The following PSG9 variants were observed in gnomAD, a reference collection of about 807,000 sequenced individuals.
PSG9 encodes pregnancy-specific beta-1-glycoprotein 9.
Under a neutral mutation model 41.9 loss-of-function variants are expected in PSG9, and 49 were observed. The ratio of observed to expected loss-of-function variants is 1.17; its 90% CI spans 0.93 to 1.48. PSG9 has a LOEUF of 1.48. Among genes scored for constraint, PSG9 ranks in the 40% most tolerant of loss-of-function variants. The pLI, the probability that PSG9 is intolerant of heterozygous loss-of-function variation, is 0.00. For synonymous variants in PSG9, 263 were observed against 196.8 expected, an observed-to-expected ratio of 1.34 and a Z score of -2.82; for missense variants, 641 against 520.3, an observed-to-expected ratio of 1.23 and a Z score of -2.26.
chr19:43,258,263 G>C lies in PSG9; in HGVS notation c.1182C>G (p.Cys394Trp), dbSNP rs565048518. The change falls in exon 5 of 6, where the codon TGC (cysteine) becomes TGG (tryptophan). Residue 394 changes from cysteine (C) to tryptophan (W), a missense_variant. Coordinates refer to ENST00000270077, the MANE Select transcript of PSG9 (RefSeq NM_002784.5). ...ITRNHSGLYA[C>W]SVHNSATGKE... The stretch of plus-strand genomic sequence containing the variant: ...TGCCAGTGGCTGAGTTATGAACAGA[G>C]CAAGCATAGAGCCCGCTATGATTTC... 71 of 1,592,982 alleles carry C rather than the reference G, an allele frequency of 4.5e-5. 8 individuals carry two copies. The South Asian group carries it at 7.7e-4, about 17-fold the overall frequency.
At chr19:43,264,661 G>T (rs1968884403) in intron 2 of PSG9, among the ~76,000 whole-genome samples, 1 of 152,102 alleles carries the variant, frequency 6.6e-6, no homozygotes, top group Non-Finnish European at 1.5e-5. Context: ...GTTTCACCCT[G>T]TTAGCCAGGA....
chr19:43,269,129 CG>C (rs1969126834), intron 1 of PSG9, among the ~76,000 whole-genome samples: 1 of 151,996 alleles, frequency 6.6e-6, no homozygotes, highest in African/African-American at 2.4e-5. Context: ...CTCAGCCTCC[CG>C]AGTAGCTAGG....
Position 43,258,358 on chromosome 19 carries a change from C to G in PSG9, c.1087G>C (p.Glu363Gln), listed in dbSNP as rs1317451866. ...TTCCCATTAATTGTCCAAAAATACTCTGCCGGTGGGTTAGATTCCGTGAAG... is the reference window on the plus strand; with the variant it reads ...TTCCCATTAATTGTCCAAAAATACTGTGCCGGTGGGTTAGATTCCGTGAAG... ...SCFTESNPPA[E>Q]YFWTINGKFQ... The change falls in exon 5 of 6, where the codon GAG becomes CAG. Residue 363 changes from glutamate to glutamine, a missense_variant. Coordinates refer to ENST00000270077, the MANE Select transcript of PSG9 (RefSeq NM_002784.5). 3 of 1,592,852 alleles carry G rather than the reference C, an allele frequency of 1.9e-6. No individual in the cohort carries two copies. Among genetic ancestry groups the G allele is most frequent in the Admixed American group, 1.7e-5 (1 of 58,674 alleles).
chr19:43,267,942 T>C lies in PSG9; in HGVS notation c.272A>G (p.Tyr91Cys). 1.2e-6 allele frequency: 2 copies of C among 1,613,670 alleles called. No individual in the cohort carries two copies. The highest frequency in any genetic ancestry group is 1.7e-4 in the Middle Eastern group (1 of 6,056). The stretch of plus-strand genomic sequence containing the variant: ...TTCTCTTCCACTGTATGCAGGCCCA[T>C]ATATAATTATTTTACCATCAACTAT... The part of the protein sequence containing the change: ...SYIVDGKIII[Y>C]GPAYSGRETV... The change falls in exon 2 of 6, where the codon TAT becomes TGT. Residue 91 changes from tyrosine (Y) to cysteine (C), a missense_variant. By Grantham distance (194) the Tyr-to-Cys change is radical. Coordinates refer to ENST00000270077, the MANE Select transcript of PSG9 (RefSeq NM_002784.5).
intron 2 of PSG9, among the ~76,000 whole-genome samples, chr19:43,267,323 G>A (rs555105061): frequency 2.0e-5 from 3 of 152,116 alleles, no homozygotes; most frequent in Non-Finnish European, 4.4e-5. Flanking sequence ...GCCTGCCCAA[G>A]AAGCCACAAC....
rs559423994 is a variant in PSG9, at chr19:43,266,479, G to A, written c.430+1305C>T. Among the ~76,000 whole-genome samples, 16 of 152,144 alleles carry A rather than the reference G, an allele frequency of 1.1e-4. No individual in the cohort carries two copies. In the South Asian group the frequency reaches 1.2e-3, roughly 12 times the overall value. Reference sequence around the variant, plus strand: ...TGTGCTGGTGTAGGGTGTGAGTGGGGAAAGAAAACAAGGTCCTCTCCTTGA... The same window carrying A: ...TGTGCTGGTGTAGGGTGTGAGTGGGAAAAGAAAACAAGGTCCTCTCCTTGA... On this transcript the variant is annotated intron_variant, in intron 2 of 5. Coordinates refer to ENST00000270077, the MANE Select transcript of PSG9 (RefSeq NM_002784.5).
chr19:43,264,209 TA>T (rs1268503378), intron 2 of PSG9, among the ~76,000 whole-genome samples: 3 of 152,102 alleles, frequency 2.0e-5, no homozygotes, highest in Non-Finnish European at 2.9e-5. Context: ...AAACCACCAG[TA>T]TTCCCATTAT....
Position 43,269,354 on chromosome 19 carries a change from A to G in PSG9, c.64+14T>C, listed in dbSNP as rs1428355274. 2.9e-5 allele frequency: 47 copies of G among 1,613,208 alleles called. No individual in the cohort carries two copies. Among genetic ancestry groups the G allele is most frequent in the Non-Finnish European group, 3.5e-5 (41 of 1,179,558 alleles). ...TTCCTCCCCCTGTCCTCTCCCAGGA[A>G]GTTCTCTCCTCACCTGTGAGCAGGA... On this transcript the variant is annotated intron_variant, in intron 1 of 5. Transcript: ENST00000270077.
At chr19:43,260,948 A>G (rs1159782189) in intron 3 of PSG9, among the ~76,000 whole-genome samples, 2 of 152,138 alleles carry the variant, frequency 1.3e-5, no homozygotes, top group African/African-American at 4.8e-5. Flanking sequence ...AAAATATTTT[A>G]TTCCTTTTGA....
chr19:43,263,883 T>C (rs974114118), intron 2 of PSG9, among the ~76,000 whole-genome samples: 5 of 152,274 alleles, frequency 3.3e-5, no homozygotes, highest in African/African-American at 4.8e-5. Flanking sequence ...AAAGAAGTGA[T>C]GTGTGTTATG....
At chr19:43,258,087 TTGCTTG>T in intron 5 of PSG9, 109 bp downstream of exon 5, 1 of 1,589,222 alleles carries the variant, frequency 6.3e-7, no homozygotes, top group Non-Finnish European at 8.5e-7. Flanking sequence ...AATTTGGGAT[TTGCTTG>T]TGCCCATGGG....
chr19:43,268,316 T>C (rs1969082076), intron 1 of PSG9, among the ~76,000 whole-genome samples, 167 bp from the exon 2 acceptor site: 1 of 152,062 alleles, frequency 6.6e-6, no homozygotes, highest in South Asian at 2.1e-4. Flanking sequence ...TTTGTGTATG[T>C]GTATGTGTGT....
Position 43,256,833 on chromosome 19 carries a change from C to A in PSG9, c.1243+1369G>T, listed in dbSNP as rs558172900. 2.8e-4 allele frequency among the ~76,000 whole-genome samples: 41 copies of A among 146,806 alleles called. 6 individuals are homozygous for A. Among genetic ancestry groups the A allele is most frequent in the Non-Finnish European group, 4.2e-4 (28 of 67,400 alleles). On this transcript the variant is annotated intron_variant, in intron 5 of 5. Coordinates refer to ENST00000270077, the MANE Select transcript of PSG9 (RefSeq NM_002784.5). ...ATTAAACAATAAATTACCATTTGAT[C>A]CAGCAATTCCACTTCTGGACATACT...
At chr19:43,264,595 C>A (rs1968879716) in intron 2 of PSG9, among the ~76,000 whole-genome samples, 1 of 152,002 alleles carries the variant, frequency 6.6e-6, no homozygotes, top group African/African-American at 2.4e-5. Context: ...GTAGGTGGGA[C>A]TACAGGCGCC....
chr19:43,267,899 T>A lies in PSG9; in HGVS notation c.315A>T (p.Ala105=), dbSNP rs1047545519. ...YSGRETVYSN[A]SLLIQNVTRK... ...GGGTGACATTCTGGATCAGCAGGGA[T>A]GCGTTGGAATATACTGTTTCTCTTC... The change falls in exon 2 of 6, where the codon GCA becomes GCT. Residue 105 remains alanine, a synonymous_variant. Transcript: ENST00000270077. The A allele has an allele frequency of 1.2e-5, 19 of 1,613,826 alleles. No homozygotes were observed. Among genetic ancestry groups the A allele is most frequent in the Non-Finnish European group, 1.5e-5 (18 of 1,179,772 alleles).
At chr19:43,264,272 G>A (rs1460302655) in intron 2 of PSG9, among the ~76,000 whole-genome samples, 1 of 152,050 alleles carries the variant, frequency 6.6e-6, no homozygotes, top group Non-Finnish European at 1.5e-5. Context: ...TTTAAAAATT[G>A]CTATTGTCAA....
At chr19:43,262,278 G>A in intron 2 of PSG9, 140 bp from the exon 3 acceptor site, 1 of 1,472,786 alleles carries the variant, frequency 6.8e-7, no homozygotes, top group Non-Finnish European at 9.1e-7. Context: ...TGTGTTACAA[G>A]ACAGATGCAT....
At position 43,255,606 on chromosome 19, in the gene PSG9, TC is replaced by T. The variant is rs1237867311; in HGVS notation, c.1244-1961del. Among the ~76,000 whole-genome samples the T allele has an allele frequency of 1.4e-5, 2 of 146,644 alleles. 1 individual carries two copies. Among genetic ancestry groups the T allele is most frequent in the African/African-American group, 5.2e-5 (2 of 38,606 alleles). Reference sequence around the variant, plus strand: ...ATAACTTGAACTTATATGTAGAAAATCCTAAAGATTGAACAAACCTAATTAG... The same window carrying T: ...ATAACTTGAACTTATATGTAGAAAATCTAAAGATTGAACAAACCTAATTAG... On this transcript the variant is annotated intron_variant, in intron 5 of 5. Coordinates refer to ENST00000270077, the MANE Select transcript of PSG9 (RefSeq NM_002784.5).
intron 2 of PSG9, among the ~76,000 whole-genome samples, chr19:43,265,640 C>CCTCCTGTTTATTATGTTAATGA (rs1968930221): frequency 1.3e-5 from 2 of 152,132 alleles, no homozygotes; most frequent in Admixed American, 1.3e-4. Flanking sequence ...AAACATCCGT[C>CCTCCTGTTTATTATGTTAATGA]CTCCTGTTTG....
Sources: gnomAD v4.1 joint callset for allele counts (sites outside exome capture counted in the v4.1 genomes callset) on GRCh38, gnomAD v4.1.1 for gene constraint, MANE v1.5 for transcripts, NCBI Gene and HGNC (gene_info 2026-07-23, HGNC 2026-07-21) for gene names.